ITGAL: variants seen among roughly 807,000 people sequenced by gnomAD.
ITGAL encodes the protein integrin subunit alpha L.
Under a neutral mutation model 138.4 loss-of-function variants are expected in ITGAL, and 68 were observed. The observed-to-expected ratio is 0.49, with a 90% confidence interval of 0.40 to 0.60. The LOEUF (loss-of-function observed/expected upper bound fraction) is 0.60, where lower values mean the gene tolerates loss of function less well. ITGAL is among the 20% of genes least tolerant of loss of function. The probability of loss-of-function intolerance (pLI) is 0.00; values close to 1 mark genes in which losing one functional copy is unlikely to be tolerated. For synonymous variants in ITGAL, 561 were observed against 584.3 expected, an observed-to-expected ratio of 0.96 and a Z score of 0.57; for missense variants, 1,256 against 1,478.6, an observed-to-expected ratio of 0.85 and a Z score of 2.47.
Position 30,518,098 on chromosome 16 carries a change from C to T in ITGAL, c.3132+203C>T, listed in dbSNP as rs370545984. Among the ~76,000 whole-genome samples, 11 of 152,240 alleles carry T rather than the reference C, an allele frequency of 7.2e-5. No homozygotes were observed. The East Asian group carries it at 1.9e-3, about 27-fold the overall frequency. ...TGTTTCCATGGGCCTATGGATAGTT[C>T]CTGTGTGTTCTTTATAGAAAAGCTT... On this transcript the variant is annotated intron_variant, in intron 28 of 30. Transcript: ENST00000356798.
At chr16:30,493,162 A>G (rs1338037996) in intron 11 of ITGAL, among the ~76,000 whole-genome samples, 1 of 152,158 alleles carries the variant, frequency 6.6e-6, no homozygotes, top group Admixed American at 6.6e-5. Context: ...TTAGGATTAC[A>G]GGTGTGAGCC....
intron 4 of ITGAL, among the ~76,000 whole-genome samples, chr16:30,476,172 A>AC (rs987330257): frequency 2.7e-5 from 4 of 150,850 alleles, no homozygotes; most frequent in African/African-American, 9.7e-5. Flanking sequence ...AATGGTGTGA[A>AC]CCCGGGAGGC....
chr16:30,493,525 C>T (rs2050755962), intron 11 of ITGAL, among the ~76,000 whole-genome samples: 2 of 152,086 alleles, frequency 1.3e-5, no homozygotes, highest in Non-Finnish European at 2.9e-5. Flanking sequence ...ATCCACCTGC[C>T]TCGGCCTCCC....
intron 17 of ITGAL, 175 bp from the exon 18 acceptor site, chr16:30,504,000 C>T (rs1473560239): frequency 1.8e-6 from 1 of 550,818 alleles, no homozygotes; most frequent in Non-Finnish European, 3.3e-6. Context: ...GAGAAGCCCC[C>T]TGGGTGTGCT....
chr16:30,501,085 A>G (rs1233864679), intron 17 of ITGAL, among the ~76,000 whole-genome samples: 1 of 152,006 alleles, frequency 6.6e-6, no homozygotes, highest in Non-Finnish European at 1.5e-5. Flanking sequence ...GCATCAAGTA[A>G]TCCTCTTACC....
intron 9 of ITGAL, 64 bp downstream of exon 9, chr16:30,484,327 G>A: frequency 6.6e-7 from 1 of 1,525,646 alleles, no homozygotes; most frequent in Non-Finnish European, 8.9e-7. Context: ...TGGGACATCA[G>A]GCCGGGCTTG....
In ITGAL at chr16:30,483,972, C is replaced by T; in HGVS notation, c.855+13C>T. 1 of 1,607,738 alleles carries T rather than the reference C, an allele frequency of 6.2e-7. No homozygotes were observed. The highest frequency in any genetic ancestry group is 8.5e-7 in the Non-Finnish European group (1 of 1,174,814). On this transcript the variant is annotated intron_variant, in intron 8 of 30. Transcript: ENST00000356798. ...CTACATCATCGGGGTAGGGCCCCTG[C>T]TGCTTCCTGCATCATATCTTCCCTC...
At chr16:30,486,666 A>G (rs1315582311) in intron 9 of ITGAL, among the ~76,000 whole-genome samples, 2 of 152,140 alleles carry the variant, frequency 1.3e-5, no homozygotes, top group African/African-American at 4.8e-5. Flanking sequence ...GGAAAATGGA[A>G]AAAGTTCAGT....
intron 21 of ITGAL, among the ~76,000 whole-genome samples, chr16:30,507,663 T>A (rs945382492): frequency 4.7e-5 from 7 of 150,342 alleles, no homozygotes; most frequent in South Asian, 2.1e-4. Context: ...AAAAAAAAAA[T>A]TTAAATAGAG....
chr16:30,518,620 A>T lies in ITGAL; in HGVS notation c.3133-4A>T. The T allele has an allele frequency of 6.2e-7, 1 of 1,610,890 alleles. No individual in the cohort carries two copies. Reference sequence around the variant, plus strand: ...GGTTCTGACGCCTTTCCCCGCTCCCACAGGCCTCTTCCATGTTCAGCCTCT... The same window carrying T: ...GGTTCTGACGCCTTTCCCCGCTCCCTCAGGCCTCTTCCATGTTCAGCCTCT... On this transcript the variant is annotated splice_polypyrimidine_tract_variant and splice_region_variant and intron_variant, in intron 28 of 30. Transcript: ENST00000356798.
chr16:30,512,244 C>T (rs1347897217), intron 24 of ITGAL, among the ~76,000 whole-genome samples: 2 of 152,038 alleles, frequency 1.3e-5, no homozygotes, highest in East Asian at 1.9e-4. Flanking sequence ...GAGTTATGTC[C>T]GTTTTTTGCT....
At chr16:30,474,488 G>C in intron 2 of ITGAL, 190 bp downstream of exon 2, 1 of 585,148 alleles carries the variant, frequency 1.7e-6, no homozygotes, top group Non-Finnish European at 3.1e-6. Context: ...CGGGATACAC[G>C]CGATCAGGGA....
At position 30,484,183 on chromosome 16, in the gene ITGAL, A is replaced by G; in HGVS notation, c.926A>G (p.Glu309Gly). Residue 309 changes from glutamate to glycine, a missense_variant, in exon 9 of 31, where the codon GAG (glutamate) becomes GGG (glycine). This residue lies in a region of ITGAL where 177 missense variants were observed against 288.8 expected (regional missense o/e 0.61). Transcript: ENST00000356798. The stretch of plus-strand genomic sequence containing the variant: ...AAATTTGCATCAAAACCCGCGAGCG[A>G]GTTTGTGAAAATTCTGGACACATTT... ...LHKFASKPAS[E>G]FVKILDTFEK... 1 of 1,614,064 alleles carries G rather than the reference A, an allele frequency of 6.2e-7. No individual in the cohort carries two copies. The highest frequency in any genetic ancestry group is 1.6e-4 in the Middle Eastern group (1 of 6,062).
chr16:30,504,718 A>AAG (rs1567482474), intron 18 of ITGAL, among the ~76,000 whole-genome samples: 1 of 149,702 alleles, frequency 6.7e-6, no homozygotes, highest in African/African-American at 2.5e-5. Flanking sequence ...TAAAGAAGAA[A>AAG]AAAAAAAAAA....
At chr16:30,517,308 T>C (rs1737137981) in intron 26 of ITGAL, among the ~76,000 whole-genome samples, 1 of 152,018 alleles carries the variant, frequency 6.6e-6, no homozygotes, top group African/African-American at 2.4e-5. Flanking sequence ...TTTAAAATTA[T>C]CCAGGCATGC....
At position 30,487,529 on chromosome 16, in the gene ITGAL, C is replaced by T. The variant is rs922077146; in HGVS notation, c.1007-1553C>T. Among the ~76,000 whole-genome samples, 11 of 152,168 alleles carry T rather than the reference C, an allele frequency of 7.2e-5. 1 individual carries two copies. The highest frequency in any genetic ancestry group is 4.6e-4 in the Admixed American group (7 of 15,252). On this transcript the variant is annotated intron_variant, in intron 9 of 30. Coordinates refer to ENST00000356798, the MANE Select transcript of ITGAL (RefSeq NM_002209.3). ...GGTTCAAGCGATTCTCCTGCCTCAG[C>T]CTCCCAAGTAGCTAGTAGTACAGGC...
At chr16:30,488,552 A>T (rs1345993445) in intron 9 of ITGAL, among the ~76,000 whole-genome samples, 1 of 151,664 alleles carries the variant, frequency 6.6e-6, no homozygotes, top group Non-Finnish European at 1.5e-5. Context: ...TAAAAATACA[A>T]AAATTAGCTG....
chr16:30,502,042 A>G (rs557861598), intron 17 of ITGAL, among the ~76,000 whole-genome samples: 5 of 151,872 alleles, frequency 3.3e-5, no homozygotes, highest in Admixed American at 2.0e-4. Flanking sequence ...CCAAAACAAT[A>G]AAGTTTGAAC....
chr16:30,499,869 C>G (rs2050867917), intron 17 of ITGAL, among the ~76,000 whole-genome samples: 1 of 147,404 alleles, frequency 6.8e-6, no homozygotes, highest in Admixed American at 6.8e-5. Context: ...CTGCCTCAGT[C>G]TCCCGAGTAC....
Sources: gnomAD v4.1 joint callset for allele counts (sites outside exome capture counted in the v4.1 genomes callset) on GRCh38, gnomAD v4.1.1 for gene constraint, gnomAD v4.1.1 regional missense constraint, MANE v1.5 for transcripts, NCBI Gene and HGNC (gene_info 2026-07-23, HGNC 2026-07-21) for gene names.